GRIA4: variants seen among roughly 807,000 people sequenced by gnomAD.
GRIA4 encodes glutamate receptor 4.
GRIA4 carries 34 observed loss-of-function variants against 104.0 expected under a neutral mutation model. The ratio of observed to expected loss-of-function variants is 0.33; its 90% CI spans 0.25 to 0.44. The LOEUF (loss-of-function observed/expected upper bound fraction) is 0.44. Ranked by LOEUF, GRIA4 falls within the 20% of genes least tolerant of loss-of-function variation. The probability of loss-of-function intolerance (pLI) is 1.00; values close to 1 mark genes in which losing one functional copy is unlikely to be tolerated. For missense variants in GRIA4, 750 were observed against 1,096.5 expected (o/e 0.68, Z 4.46); for synonymous variants, 386 against 381.9 (o/e 1.01, Z -0.13).
At chr11:105,778,819 T>A (rs1941576794) in intron 4 of GRIA4, among the ~76,000 whole-genome samples, 1 of 151,940 alleles carries the variant, frequency 6.6e-6, no homozygotes, top group Non-Finnish European at 1.5e-5. Context: ...AGTTTTAGGG[T>A]ACATGCGCAC....
At chr11:105,691,674 C>T (rs940605480) in intron 3 of GRIA4, among the ~76,000 whole-genome samples, 7 of 152,120 alleles carry the variant, frequency 4.6e-5, no homozygotes, top group African/African-American at 9.6e-5. Context: ...CAGTGGTTCA[C>T]GCCTGTAATC....
intron 4 of GRIA4, among the ~76,000 whole-genome samples, chr11:105,755,269 A>G (rs568791845): frequency 2.0e-5 from 3 of 152,272 alleles, no homozygotes; most frequent in Admixed American, 6.5e-5. Flanking sequence ...GTTGAGATTC[A>G]GGTAACAGAA....
intron 3 of GRIA4, among the ~76,000 whole-genome samples, chr11:105,651,004 G>A (rs746243987): frequency 1.4e-4 from 21 of 152,104 alleles, no homozygotes; most frequent in Non-Finnish European, 5.9e-5. Flanking sequence ...ATTGAAATAC[G>A]TGATTTATAG....
intron 14 of GRIA4, among the ~76,000 whole-genome samples, chr11:105,955,673 G>C (rs1054476353): frequency 1.3e-5 from 2 of 152,010 alleles, no homozygotes; most frequent in Non-Finnish European, 2.9e-5. Flanking sequence ...TTTCTGGTTC[G>C]AGATCCTTGA....
intron 3 of GRIA4, among the ~76,000 whole-genome samples, chr11:105,665,475 G>T (rs2135422304): frequency 6.6e-6 from 1 of 152,042 alleles, no homozygotes; most frequent in African/African-American, 2.4e-5. Context: ...CCCGGAGGTT[G>T]CACTGGCCTT....
chr11:105,767,900 C>T lies in GRIA4; in HGVS notation c.487+14680C>T, dbSNP rs894604253. 7.2e-5 allele frequency among the ~76,000 whole-genome samples: 11 copies of T among 152,130 alleles called. No individual in the cohort carries two copies. The South Asian group carries it at 1.9e-3, about 26-fold the overall frequency. On this transcript the variant is annotated intron_variant, in intron 4 of 16. Coordinates refer to ENST00000282499, the MANE Select transcript of GRIA4 (RefSeq NM_000829.4). ...GCCCTTAACCACAACATTATGCTGC[C>T]GATGAGGACCTCTCGCTTTAATCTG... is the stretch of plus-strand genomic sequence containing the variant.
At chr11:105,741,257 A>G (rs1939286239) in intron 3 of GRIA4, among the ~76,000 whole-genome samples, 2 of 151,792 alleles carry the variant, frequency 1.3e-5, no homozygotes, top group South Asian at 4.2e-4. Flanking sequence ...TGAGGGGGGG[A>G]AATGAAGGGT....
At chr11:105,737,947 G>C (rs1429668770) in intron 3 of GRIA4, among the ~76,000 whole-genome samples, 1 of 152,106 alleles carries the variant, frequency 6.6e-6, no homozygotes, top group Non-Finnish European at 1.5e-5. Flanking sequence ...GTTTAAAGGA[G>C]ATAAATAATA....
At chr11:105,921,306 GGTGTGTGTGTGTGTGTGT>G (rs5794436) in intron 11 of GRIA4, among the ~76,000 whole-genome samples, 2 of 138,768 alleles carry the variant, frequency 1.4e-5, no homozygotes, top group African/African-American at 2.7e-5. Context: ...ACCACACTTG[GGTGTGTGTGTGTGTGTGT>G]GTGTGTGTGT....
chr11:105,965,853 T>C (rs1390497383), intron 14 of GRIA4: 9 of 886,390 alleles, frequency 1.0e-5, no homozygotes, highest in Non-Finnish European at 1.6e-5. Context: ...TTATTTAGCG[T>C]CTGGGAGAAG....
intron 5 of GRIA4, among the ~76,000 whole-genome samples, chr11:105,875,378 T>C (rs1945779491): frequency 6.6e-6 from 1 of 152,194 alleles, no homozygotes; most frequent in Admixed American, 6.5e-5. Context: ...AAATTTTCTT[T>C]TTTTGTTGTG....
intron 3 of GRIA4, among the ~76,000 whole-genome samples, chr11:105,648,026 G>A (rs1951579702): frequency 6.6e-6 from 1 of 151,694 alleles, no homozygotes; most frequent in Non-Finnish European, 1.5e-5. Context: ...GTTGAAAAAT[G>A]GAACCAGGTT....
At chr11:105,711,219 G>T (rs1320585963) in intron 3 of GRIA4, among the ~76,000 whole-genome samples, 1 of 151,668 alleles carries the variant, frequency 6.6e-6, no homozygotes. Context: ...AATTATTCCT[G>T]GTGTATGATG....
chr11:105,805,879 C>T (rs1457358418), intron 4 of GRIA4, among the ~76,000 whole-genome samples: 1 of 151,708 alleles, frequency 6.6e-6, no homozygotes, highest in East Asian at 1.9e-4. Context: ...TAAATGTGGC[C>T]TAACTGGAAA....
intron 14 of GRIA4, among the ~76,000 whole-genome samples, chr11:105,947,916 C>T (rs984690079): frequency 6.6e-6 from 1 of 152,100 alleles, no homozygotes; most frequent in Admixed American, 6.5e-5. Context: ...AGCTTTGTAT[C>T]TTCACTTAGA....
intron 3 of GRIA4, among the ~76,000 whole-genome samples, chr11:105,644,527 C>A (rs1351360818): frequency 1.3e-5 from 2 of 152,142 alleles, no homozygotes; most frequent in African/African-American, 4.8e-5. Context: ...TTGCTTGAAC[C>A]TGGGAGATGG....
chr11:105,974,159 G>T, intron 15 of GRIA4, 151 bp from the exon 16 acceptor site: 1 of 709,120 alleles, frequency 1.4e-6, no homozygotes, highest in Non-Finnish European at 2.4e-6. Context: ...TTATGTTTAA[G>T]TCCATTAGCC....
chr11:105,627,286 G>A (rs991100142), intron 3 of GRIA4, among the ~76,000 whole-genome samples: 1 of 152,102 alleles, frequency 6.6e-6, no homozygotes, highest in African/African-American at 2.4e-5. Flanking sequence ...ATAGAGTAGG[G>A]GTAGGGGGGA....
At chr11:105,765,453 G>A (rs534041568) in intron 4 of GRIA4, among the ~76,000 whole-genome samples, 96 of 152,314 alleles carry the variant, frequency 6.3e-4, no homozygotes, top group South Asian at 1.2e-3. Flanking sequence ...CCAGATGCCA[G>A]CATATTGAAA....
Sources: gnomAD v4.1 joint callset for allele counts (sites outside exome capture counted in the v4.1 genomes callset) on GRCh38, gnomAD v4.1.1 for gene constraint, MANE v1.5 for transcripts, NCBI Gene and HGNC (gene_info 2026-07-23, HGNC 2026-07-21) for gene names.